USP46: variants seen among roughly 807,000 people sequenced by gnomAD.
USP46 encodes the protein ubiquitin carboxyl-terminal hydrolase 46.
USP46 carries 12 observed loss-of-function variants against 44.4 expected under a neutral mutation model. The observed-to-expected ratio is 0.27, with a 90% CI of 0.17 to 0.44. USP46 has a LOEUF of 0.44. USP46 is among the 20% of genes least tolerant of loss of function. The pLI is 1.00. For missense variants in USP46, 248 were observed against 444.8 expected, an observed-to-expected ratio of 0.56 and a Z score of 3.98; for synonymous variants, 155 against 161.5, an observed-to-expected ratio of 0.96 and a Z score of 0.31.
chr4:52,619,314 A>AG (rs112934174), intron 4 of USP46, among the ~76,000 whole-genome samples: 3 of 152,002 alleles, frequency 2.0e-5, no homozygotes, highest in African/African-American at 7.2e-5. Context: ...AAAAAAAAAA[A>AG]GAAAAAGAAA....
intron 4 of USP46, among the ~76,000 whole-genome samples, chr4:52,624,690 AC>A (rs1717506889): frequency 6.6e-6 from 1 of 152,162 alleles, no homozygotes; most frequent in Non-Finnish European, 1.5e-5. Context: ...ATACTTTGAA[AC>A]CCTCATCTCT....
intron 6 of USP46, among the ~76,000 whole-genome samples, chr4:52,603,805 C>T (rs753611228): frequency 2.6e-5 from 4 of 152,142 alleles, no homozygotes; most frequent in Non-Finnish European, 4.4e-5. Flanking sequence ...CTGCCTCAGC[C>T]TCCCGAGTAG....
intron 1 of USP46, among the ~76,000 whole-genome samples, chr4:52,636,913 G>A (rs906193651): frequency 2.0e-5 from 3 of 151,248 alleles, no homozygotes; most frequent in South Asian, 2.1e-4. Flanking sequence ...AGGCTCAAGC[G>A]ATCCTCCCAC....
At chr4:52,635,368 C>G (rs1384018998) in intron 1 of USP46, among the ~76,000 whole-genome samples, 1 of 152,166 alleles carries the variant, frequency 6.6e-6, no homozygotes, top group East Asian at 1.9e-4. Context: ...AAAAAAAGGT[C>G]AAACAACCAA....
At chr4:52,625,945 A>T in intron 4 of USP46, 73 bp downstream of exon 4, 1 of 1,368,976 alleles carries the variant, frequency 7.3e-7, no homozygotes, top group Non-Finnish European at 1.0e-6. Context: ...ATAATACGAC[A>T]TTGCAATCAC....
At position 52,594,495 on chromosome 4, in the gene USP46, G is replaced by A. The variant is rs1371009431; in HGVS notation, c.*3145C>T. The A allele has an allele frequency of 6.6e-6, 1 of 152,198 alleles. No homozygotes were observed. Among genetic ancestry groups the A allele is most frequent in the Non-Finnish European group, 1.5e-5 (1 of 68,036 alleles). 9.4% of individuals were successfully genotyped at this position (152,198 alleles called of 1,614,324 possible). On this transcript the variant is annotated 3_prime_UTR_variant, in exon 9 of 9. Coordinates refer to ENST00000441222, the MANE Select transcript of USP46 (RefSeq NM_022832.4). ...TCCCTGACCCATGCCACTTACATGA[G>A]TTCATTACAATAGTGCTGATAAATG...
intron 1 of USP46, among the ~76,000 whole-genome samples, chr4:52,639,803 C>CCT (rs1360897204): frequency 6.6e-6 from 1 of 151,562 alleles, no homozygotes; most frequent in Admixed American, 6.6e-5. Context: ...CTCAAGTGAT[C>CCT]CTCCCACCTC....
intron 6 of USP46, among the ~76,000 whole-genome samples, chr4:52,603,186 A>G (rs976686320): frequency 6.6e-6 from 1 of 152,198 alleles, no homozygotes; most frequent in Non-Finnish European, 1.5e-5. Context: ...GCAATATATA[A>G]ACCCCCCAGG....
chr4:52,636,152 C>T (rs1718108070), intron 1 of USP46, among the ~76,000 whole-genome samples: 1 of 152,086 alleles, frequency 6.6e-6, no homozygotes, highest in Admixed American at 6.5e-5. Flanking sequence ...AAGGGTCCTT[C>T]CAAGTGAGAG....
intron 5 of USP46, among the ~76,000 whole-genome samples, chr4:52,609,309 A>T (rs1455355419): frequency 6.6e-6 from 1 of 152,230 alleles, no homozygotes; most frequent in Non-Finnish European, 1.5e-5. Flanking sequence ...TTTATTTTTT[A>T]AAGTTATCAA....
chr4:52,625,445 C>A (rs1442596862), intron 4 of USP46, among the ~76,000 whole-genome samples: 1 of 152,114 alleles, frequency 6.6e-6, no homozygotes, highest in Non-Finnish European at 1.5e-5. Context: ...AATATGACAT[C>A]CTGAATCATG....
rs1008266572 is a variant in USP46 at position 52,656,335 on chromosome 4, G to A, written c.36+2780C>T. The A allele has an allele frequency of 1.9e-6, 3 of 1,550,964 alleles. No individual in the cohort carries two copies. In the African/African-American group the frequency reaches 4.1e-5, roughly 21 times the overall value. On this transcript the variant is annotated intron_variant, in intron 1 of 8. Transcript: ENST00000441222. ...TTATTGAGCAAAGAATCTAAAGAGA[G>A]GTCCAGTTAATATTTACGTCTGATC... is the stretch of plus-strand genomic sequence containing the variant.
intron 5 of USP46, among the ~76,000 whole-genome samples, chr4:52,607,303 C>T (rs1023300710): frequency 6.6e-6 from 1 of 152,116 alleles, no homozygotes; most frequent in African/African-American, 2.4e-5. Flanking sequence ...AGGCGAGGAC[C>T]CCAGCAGTAA....
chr4:52,604,654 T>A, intron 5 of USP46, 70 bp from the exon 6 acceptor site: 1 of 1,024,420 alleles, frequency 9.8e-7, no homozygotes, highest in Non-Finnish European at 1.4e-6. Flanking sequence ...TTTAAATCCC[T>A]CAATTAACCT....
At chr4:52,603,008 GT>G (rs1716537072) in intron 6 of USP46, among the ~76,000 whole-genome samples, 1 of 152,178 alleles carries the variant, frequency 6.6e-6, no homozygotes, top group African/African-American at 2.4e-5. Flanking sequence ...ATGCCATTTA[GT>G]TTGTGTACAT....
intron 8 of USP46, 42 bp from the exon 9 acceptor site, chr4:52,597,783 G>T: frequency 7.4e-7 from 1 of 1,358,150 alleles, no homozygotes; most frequent in Non-Finnish European, 1.0e-6. Context: ...TACTTAACAT[G>T]ATTCCTGGGG....
In USP46 at chr4:52,593,029, A is replaced by T. The variant is rs1299930971; in HGVS notation, c.*4611T>A. On this transcript the variant is annotated 3_prime_UTR_variant, in exon 9 of 9. Transcript: ENST00000441222. ...ATTAAACCTCTTTTCTTCAGAAATG[A>T]CCCACGCTCAGGTATGTCTTTATAG... is the stretch of plus-strand genomic sequence containing the variant. 5.0e-6 allele frequency: 2 copies of T among 398,204 alleles called. No homozygotes were observed. The highest frequency in any genetic ancestry group is 4.4e-5 in the Admixed American group (1 of 22,724). 24.7% of individuals were successfully genotyped at this position (398,204 alleles called of 1,614,324 possible). A position where few individuals can be genotyped will look rare whatever the true frequency, so the allele number is the denominator to read the frequency against.
At chr4:52,632,990 A>AAAGAAAGAAAGAAAGAAAGAAAAGAAAAG in intron 1 of USP46, among the ~76,000 whole-genome samples, 71 of 66,096 alleles carry the variant, frequency 1.1e-3, no homozygotes, top group Non-Finnish European at 1.5e-3. Flanking sequence ...GAAAGAAAAG[A>AAAGAAAGAAAGAAAGAAAGAAAAGAAAAG]AAAGAAAGAA....
At chr4:52,636,559 A>G (rs1208805984) in intron 1 of USP46, among the ~76,000 whole-genome samples, 1 of 151,784 alleles carries the variant, frequency 6.6e-6, no homozygotes, top group East Asian at 2.0e-4. Flanking sequence ...TACAAAAATT[A>G]GCCGGGCATG....
Sources: allele counts gnomAD v4.1 joint callset (sites outside exome capture counted in the v4.1 genomes callset), GRCh38; gene constraint gnomAD v4.1.1; transcripts MANE v1.5; gene names NCBI Gene and HGNC (gene_info 2026-07-23, HGNC 2026-07-21).